BMP8A: variants seen among roughly 807,000 people sequenced by gnomAD.
The protein encoded by BMP8A is BMP-8A.
In BMP8A, 14 loss-of-function variants were observed where a neutral mutation model predicts 36.8. The ratio of observed to expected loss-of-function variants is 0.38; its 90% CI spans 0.25 to 0.60. The LOEUF (loss-of-function observed/expected upper bound fraction) is 0.60. Ranked by LOEUF, BMP8A falls within the 20% of genes least tolerant of loss-of-function variation. The probability of loss-of-function intolerance (pLI) is 0.63; values close to 1 mark genes in which losing one functional copy is unlikely to be tolerated. For missense variants in BMP8A, 267 were observed against 551.1 expected, an observed-to-expected ratio of 0.48 and a Z score of 5.16; for synonymous variants, 120 against 237.7, an observed-to-expected ratio of 0.50 and a Z score of 4.55.
At chr1:39,523,236 C>T (rs866141815) in intron 6 of BMP8A, 119 bp downstream of exon 6, 25 of 1,232,418 alleles carry the variant, frequency 2.0e-5, no homozygotes, top group Non-Finnish European at 2.8e-5. Context: ...GGGGCTTTGT[C>T]TGCACAGAGT....
intron 1 of BMP8A, among the ~76,000 whole-genome samples, chr1:39,498,131 T>C (rs1364604965): frequency 1.3e-5 from 2 of 152,238 alleles, no homozygotes; most frequent in African/African-American, 2.4e-5. Flanking sequence ...GGAAACCCTC[T>C]GCCCCTCCTT....
At chr1:39,493,172 G>C (rs952431496) in intron 1 of BMP8A, among the ~76,000 whole-genome samples, 6 of 152,198 alleles carry the variant, frequency 3.9e-5, no homozygotes, top group Non-Finnish European at 7.3e-5. Flanking sequence ...CCGGGGTCTG[G>C]GAGCCAAGGA....
At position 39,529,128 on chromosome 1, in the gene BMP8A, T is replaced by C. The variant is rs1645511050; in HGVS notation, c.*3330T>C. ...TTTTGAGGCCTCCATGAGGGCCAAA[T>C]GTGCCATGGGACACTTAGTGCCATG... On this transcript the variant is annotated 3_prime_UTR_variant, in exon 7 of 7. Transcript: ENST00000331593. The C allele has an allele frequency of 1.3e-5, 2 of 152,358 alleles. No individual in the cohort carries two copies. The highest frequency in any genetic ancestry group is 1.9e-4 in the East Asian group (1 of 5,182). 9.4% of individuals were successfully genotyped at this position (152,358 alleles called of 1,614,324 possible). A position where few individuals can be genotyped will look rare whatever the true frequency, so the allele number is the denominator to read the frequency against.
chr1:39,492,783 C>T (rs1645172687), intron 1 of BMP8A, among the ~76,000 whole-genome samples: 1 of 152,178 alleles, frequency 6.6e-6, no homozygotes, highest in Non-Finnish European at 1.5e-5. Flanking sequence ...GCCCTGAGTC[C>T]ACAGCAGGCT....
chr1:39,515,940 C>T, intron 3 of BMP8A: 1 of 1,487,858 alleles, frequency 6.7e-7, no homozygotes. Context: ...CCCAGCATGA[C>T]TGTCCATCTT....
At chr1:39,514,792 C>T (rs2124366869) in intron 3 of BMP8A, among the ~76,000 whole-genome samples, 1 of 152,340 alleles carries the variant, frequency 6.6e-6, no homozygotes, top group African/African-American at 2.4e-5. Context: ...CCGGCCCCCT[C>T]CCTGTTGCGG....
chr1:39,501,443 C>T (rs552612391), intron 1 of BMP8A, among the ~76,000 whole-genome samples: 3 of 152,324 alleles, frequency 2.0e-5, no homozygotes, highest in African/African-American at 7.2e-5. Flanking sequence ...CAGTCTCCAC[C>T]TCCCAGGCTC....
chr1:39,523,351 C>T (rs568493303), intron 6 of BMP8A, among the ~76,000 whole-genome samples: 24 of 152,350 alleles, frequency 1.6e-4, no homozygotes, highest in African/African-American at 5.0e-4. Context: ...TGAACAGTCG[C>T]GTATGCATGC....
At chr1:39,522,965 A>C (rs755792111) in intron 5 of BMP8A, 42 bp from the exon 6 acceptor site, 1 of 1,524,652 alleles carries the variant, frequency 6.6e-7, no homozygotes, top group South Asian at 1.2e-5. Flanking sequence ...AGGCTCAGGG[A>C]GGAGCACATG....
chr1:39,503,518 T>C (rs1021988013), intron 1 of BMP8A, among the ~76,000 whole-genome samples: 2 of 138,324 alleles, frequency 1.4e-5, no homozygotes, highest in South Asian at 2.6e-4. Context: ...CTTTTTTTTT[T>C]TTTTTTTTTT....
rs1051738726 is a variant in BMP8A, at chr1:39,515,877, T to C, written c.673+3973T>C. On this transcript the variant is annotated intron_variant, in intron 3 of 6. Coordinates refer to ENST00000331593, the MANE Select transcript of BMP8A (RefSeq NM_181809.4). ...GCAGCTCTGGAATTTGAGGACGGCA[T>C]GTACGCCAATCTGGGCATAGGCATC... 8 of 1,574,060 alleles carry C rather than the reference T, an allele frequency of 5.1e-6. 1 individual carries two copies. In the African/African-American group the frequency reaches 8.1e-5, roughly 16 times the overall value.
rs1173108506 is a variant in BMP8A, at chr1:39,527,802, C to G, written c.*2004C>G. On this transcript the variant is annotated 3_prime_UTR_variant, in exon 7 of 7. Transcript: ENST00000331593. Reference sequence around the variant, plus strand: ...CTGACTTGGTGTCAGGACAAGTCCCCTTTCTTATTCACGCTTCAGTTTCTC... The same window carrying G: ...CTGACTTGGTGTCAGGACAAGTCCCGTTTCTTATTCACGCTTCAGTTTCTC... Among the ~76,000 whole-genome samples the G allele has an allele frequency of 6.6e-6, 1 of 152,222 alleles. No homozygotes were observed. The highest frequency in any genetic ancestry group is 1.5e-5 in the Non-Finnish European group (1 of 68,038).
chr1:39,517,904 C>T (rs1570308997), intron 3 of BMP8A, among the ~76,000 whole-genome samples: 1 of 152,368 alleles, frequency 6.6e-6, no homozygotes, highest in Non-Finnish European at 1.5e-5. Flanking sequence ...AGTTCTAGAA[C>T]CCTAACCAAG....
chr1:39,508,231 A>T (rs1320482693), intron 1 of BMP8A, among the ~76,000 whole-genome samples: 1 of 149,566 alleles, frequency 6.7e-6, no homozygotes, highest in Non-Finnish European at 1.5e-5. Context: ...AGCCTGGGAG[A>T]CAGAGCAAGA....
chr1:39,507,533 G>T (rs139663087), intron 1 of BMP8A, among the ~76,000 whole-genome samples: 1 of 152,338 alleles, frequency 6.6e-6, no homozygotes, highest in East Asian at 1.9e-4. Context: ...AGCCCAGCGA[G>T]GAGTCAGGGT....
chr1:39,517,488 G>GTA (rs1185818979), intron 3 of BMP8A, among the ~76,000 whole-genome samples: 2 of 151,560 alleles, frequency 1.3e-5, no homozygotes, highest in East Asian at 1.9e-4. Flanking sequence ...GCTAATTTTT[G>GTA]TATATATATT....
In BMP8A at chr1:39,522,456, G is replaced by A. The variant is rs762883509; in HGVS notation, c.922G>A (p.Val308Ile). 5.0e-5 allele frequency: 81 copies of A among 1,613,576 alleles called. 1 individual carries two copies. Among genetic ancestry groups the A allele is most frequent in the South Asian group, 4.9e-4 (45 of 91,018 alleles). Reference protein sequence around the residue: ...RQVCRRHELYVSFQDLGWLDW... With the variant: ...RQVCRRHELYISFQDLGWLDW... ...GGTCTGCCGTCGGCACGAGCTCTACGTCAGCTTCCAGGACCTTGGCTGGCT... is the reference window on the plus strand; with the variant it reads ...GGTCTGCCGTCGGCACGAGCTCTACATCAGCTTCCAGGACCTTGGCTGGCT... The change falls in exon 5 of 7, where the codon GTC (valine) becomes ATC (isoleucine). Residue 308 changes from valine to isoleucine, a missense_variant. Val to Ile is a conservative substitution (Grantham distance 29, BLOSUM62 3). Coordinates refer to ENST00000331593, the MANE Select transcript of BMP8A (RefSeq NM_181809.4).
Position 39,522,497 on chromosome 1 carries a change from T to G in BMP8A, c.948+15T>G, listed in dbSNP as rs768832662. 7 of 1,613,524 alleles carry G rather than the reference T, an allele frequency of 4.3e-6. No individual in the cohort carries two copies. In the Admixed American group the frequency reaches 5.0e-5, roughly 12 times the overall value. ...TTGGCTGGCTGGTAATTGCTGACTC[T>G]CCTTGTTTCTGAAATGACAATCACC... is the stretch of plus-strand genomic sequence containing the variant. On this transcript the variant is annotated intron_variant, in intron 5 of 6. Transcript: ENST00000331593.
intron 1 of BMP8A, among the ~76,000 whole-genome samples, chr1:39,500,705 T>C (rs1399612437): frequency 1.3e-5 from 2 of 151,778 alleles, no homozygotes; most frequent in Non-Finnish European, 2.9e-5. Context: ...CTGGCTGGAG[T>C]GCAGTGGTAC....
Sources: gnomAD v4.1 joint callset for allele counts (sites outside exome capture counted in the v4.1 genomes callset) on GRCh38, gnomAD v4.1.1 for gene constraint, MANE v1.5 for transcripts, NCBI Gene and HGNC (gene_info 2026-07-23, HGNC 2026-07-21) for gene names.